PCDH9: variants seen among roughly 807,000 people sequenced by gnomAD.
The protein encoded by PCDH9 is protocadherin 9.
In PCDH9, 24 loss-of-function variants were observed where a neutral mutation model predicts 70.6. The observed-to-expected ratio is 0.34, with a 90% CI of 0.25 to 0.48. The LOEUF (loss-of-function observed/expected upper bound fraction) is 0.48. PCDH9 is among the 20% of genes least tolerant of loss of function. The probability of loss-of-function intolerance (pLI) is 0.99; values close to 1 mark genes in which losing one functional copy is unlikely to be tolerated. For synonymous variants in PCDH9, 562 were observed against 558.5 expected, an observed-to-expected ratio of 1.01 and a Z score of -0.09; for missense variants, 1,281 against 1,503.6, an observed-to-expected ratio of 0.85 and a Z score of 2.45.
At chr13:67,105,385 C>A (rs532925508) in intron 2 of PCDH9, among the ~76,000 whole-genome samples, 1 of 152,068 alleles carries the variant, frequency 6.6e-6, no homozygotes, top group South Asian at 2.1e-4. Flanking sequence ...CCATAAAACA[C>A]CATATTATTT....
intron 3 of PCDH9, among the ~76,000 whole-genome samples, chr13:66,644,293 C>A (rs1394335349): frequency 1.3e-5 from 2 of 151,612 alleles, no homozygotes; most frequent in African/African-American, 2.4e-5. Flanking sequence ...AAAAATGCAT[C>A]AATACTGGCT....
intron 2 of PCDH9, among the ~76,000 whole-genome samples, chr13:66,981,437 C>CAAAA (rs372208244): frequency 1.3e-5 from 1 of 78,816 alleles, no homozygotes; most frequent in South Asian, 4.0e-4. Flanking sequence ...GACTCCCTCT[C>CAAAA]AAAAAAAAAA....
intron 3 of PCDH9, among the ~76,000 whole-genome samples, chr13:66,694,758 A>G (rs990280510): frequency 2.0e-5 from 3 of 152,104 alleles, no homozygotes; most frequent in African/African-American, 7.2e-5. Flanking sequence ...CATTATATAT[A>G]TTTATATTTA....
intron 2 of PCDH9, among the ~76,000 whole-genome samples, chr13:66,915,609 T>A (rs2082543930): frequency 6.6e-6 from 1 of 151,652 alleles, no homozygotes; most frequent in African/African-American, 2.4e-5. Flanking sequence ...CCCAAACAGC[T>A]ACAGATTATG....
chr13:66,753,641 G>T (rs116709863), intron 3 of PCDH9, among the ~76,000 whole-genome samples: 1,721 of 152,222 alleles, frequency 0.011, 34 homozygotes, highest in African/African-American at 0.039. Flanking sequence ...AGCAGAGCAG[G>T]CTCTCTATAG....
chr13:67,125,744 T>A (rs1346979892), intron 2 of PCDH9, among the ~76,000 whole-genome samples: 1 of 152,126 alleles, frequency 6.6e-6, no homozygotes, highest in Non-Finnish European at 1.5e-5. Flanking sequence ...TCTTACTCAT[T>A]TTGCATTAAT....
intron 2 of PCDH9, among the ~76,000 whole-genome samples, chr13:67,068,647 C>T (rs191717353): frequency 6.6e-6 from 1 of 152,136 alleles, no homozygotes; most frequent in Non-Finnish European, 1.5e-5. Flanking sequence ...TGATCCCAAA[C>T]CTCAAACTCA....
intron 3 of PCDH9, among the ~76,000 whole-genome samples, chr13:66,632,657 G>T (rs2077586474): frequency 6.6e-6 from 1 of 152,068 alleles, no homozygotes; most frequent in South Asian, 2.1e-4. Flanking sequence ...CTTGGAAAAT[G>T]CTCTTTTAGC....
chr13:67,154,630 A>G (rs2138397420), intron 2 of PCDH9, among the ~76,000 whole-genome samples: 1 of 144,126 alleles, frequency 6.9e-6, no homozygotes, highest in Admixed American at 6.9e-5. Flanking sequence ...ACACACACAC[A>G]CACACACACA....
chr13:66,437,504 A>T (rs931608766), intron 4 of PCDH9, among the ~76,000 whole-genome samples: 1 of 151,958 alleles, frequency 6.6e-6, no homozygotes, highest in Non-Finnish European at 1.5e-5. Flanking sequence ...AAAGAGGAGT[A>T]GGATTCTTAT....
intron 4 of PCDH9, among the ~76,000 whole-genome samples, chr13:66,517,356 T>C (rs1566385299): frequency 6.6e-6 from 1 of 152,172 alleles, no homozygotes. Flanking sequence ...TCACTTTAGC[T>C]TAAGAGATCA....
At chr13:67,000,343 A>AG (rs1156954621) in intron 2 of PCDH9, among the ~76,000 whole-genome samples, 1 of 56,034 alleles carries the variant, frequency 1.8e-5, no homozygotes, top group Non-Finnish European at 3.3e-5. Flanking sequence ...GGGGTGGGGG[A>AG]GGGGGGAGGG....
intron 4 of PCDH9, among the ~76,000 whole-genome samples, chr13:66,343,798 G>A (rs993479913): frequency 6.6e-5 from 10 of 152,224 alleles, no homozygotes; most frequent in East Asian, 3.9e-4. Context: ...CATGAACATC[G>A]CTGTGGGAAC....
chr13:66,709,250 C>G (rs1479287549), intron 3 of PCDH9, among the ~76,000 whole-genome samples: 7 of 152,188 alleles, frequency 4.6e-5, no homozygotes, highest in Non-Finnish European at 1.5e-5. Context: ...AGAGACTACA[C>G]AGTTAAACTG....
chr13:66,454,921 A>G (rs1958288448), intron 4 of PCDH9, among the ~76,000 whole-genome samples: 1 of 152,146 alleles, frequency 6.6e-6, no homozygotes, highest in Non-Finnish European at 1.5e-5. Flanking sequence ...AAATTATCAA[A>G]TTTCAATCTT....
chr13:67,178,544 T>C (rs2088527218), intron 2 of PCDH9, among the ~76,000 whole-genome samples: 1 of 152,110 alleles, frequency 6.6e-6, no homozygotes, highest in Admixed American at 6.6e-5. Context: ...ATAATTTGCC[T>C]CTTCATAACT....
intron 3 of PCDH9, among the ~76,000 whole-genome samples, chr13:66,779,894 T>TGTGTGC (rs1433548074): frequency 6.8e-6 from 1 of 147,078 alleles, no homozygotes; most frequent in African/African-American, 2.6e-5. Flanking sequence ...TGTGTGTGTG[T>TGTGTGC]GTGTGTGTCC....
intron 4 of PCDH9, among the ~76,000 whole-genome samples, chr13:66,423,731 G>C (rs548169718): frequency 7.2e-5 from 11 of 152,206 alleles, no homozygotes; most frequent in African/African-American, 2.6e-4. Context: ...ATACTGAATG[G>C]GCAAAAGCTG....
intron 2 of PCDH9, among the ~76,000 whole-genome samples, chr13:67,063,998 C>T (rs181015770): frequency 1.5e-4 from 23 of 152,246 alleles, no homozygotes; most frequent in Admixed American, 1.1e-3. Flanking sequence ...GGATACTCCA[C>T]TCTATGAATC....
Sources: allele counts gnomAD v4.1 joint callset (sites outside exome capture counted in the v4.1 genomes callset), GRCh38; gene constraint gnomAD v4.1.1; transcripts MANE v1.5; gene names NCBI Gene and HGNC (gene_info 2026-07-23, HGNC 2026-07-21).